The following MGMT variants were observed in gnomAD, a reference collection of about 807,000 sequenced individuals.
MGMT encodes the protein methylated-DNA--protein-cysteine methyltransferase.
Under a neutral mutation model 15.9 loss-of-function variants are expected in MGMT, and 14 were observed. That is an observed-to-expected ratio of 0.88 (90% CI 0.58 to 1.37). The LOEUF (loss-of-function observed/expected upper bound fraction) is 1.37, where lower values mean the gene tolerates loss of function less well. Among genes scored for constraint, MGMT ranks in the 40% most tolerant of loss-of-function variants. The probability of loss-of-function intolerance (pLI) is 0.00; values close to 1 mark genes in which losing one functional copy is unlikely to be tolerated. For missense variants in MGMT, 282 were observed against 268.1 expected, an observed-to-expected ratio of 1.05 and a Z score of -0.36; for synonymous variants, 130 against 118.2, an observed-to-expected ratio of 1.10 and a Z score of -0.65.
At chr10:129,613,207 G>C (rs1014048108) in intron 2 of MGMT, among the ~76,000 whole-genome samples, 1 of 152,220 alleles carries the variant, frequency 6.6e-6, no homozygotes. Context: ...ATCCACCAGG[G>C]AAGAGATGGT....
chr10:129,676,024 G>A (rs1847781357), intron 2 of MGMT, among the ~76,000 whole-genome samples: 1 of 152,226 alleles, frequency 6.6e-6, no homozygotes, highest in Non-Finnish European at 1.5e-5. Context: ...GCTCTCATGA[G>A]CACATGTGAG....
At chr10:129,740,758 C>A (rs1052748961) in intron 3 of MGMT, among the ~76,000 whole-genome samples, 5 of 152,180 alleles carry the variant, frequency 3.3e-5, no homozygotes, top group African/African-American at 1.2e-4. Flanking sequence ...CTTGGATAGG[C>A]TGCCGTCTGG....
At chr10:129,612,477 T>G (rs1846972345) in intron 2 of MGMT, among the ~76,000 whole-genome samples, 1 of 152,232 alleles carries the variant, frequency 6.6e-6, no homozygotes, top group South Asian at 2.1e-4. Flanking sequence ...TACAAAGTCT[T>G]GAATTAAAAT....
chr10:129,735,710 T>C (rs1260441092), intron 3 of MGMT, among the ~76,000 whole-genome samples: 2 of 103,426 alleles, frequency 1.9e-5, no homozygotes, highest in African/African-American at 7.8e-5. Context: ...TGCTATAAAT[T>C]TCCCTCTACA....
At chr10:129,667,400 T>C (rs541517580) in intron 2 of MGMT, among the ~76,000 whole-genome samples, 250 of 152,328 alleles carry the variant, frequency 1.6e-3, no homozygotes, top group Non-Finnish European at 2.8e-3. Flanking sequence ...TATTGCAGGC[T>C]CCTTTAATCC....
At chr10:129,520,254 G>T (rs983654728) in intron 1 of MGMT, among the ~76,000 whole-genome samples, 2 of 152,138 alleles carry the variant, frequency 1.3e-5, no homozygotes, top group South Asian at 2.1e-4. Context: ...ATGTACAGCC[G>T]CTGGCACAGC....
intron 2 of MGMT, among the ~76,000 whole-genome samples, chr10:129,560,382 G>A (rs1301195404): frequency 3.3e-5 from 5 of 152,212 alleles, no homozygotes; most frequent in Non-Finnish European, 7.3e-5. Context: ...GAAATCTGTG[G>A]TAGACACAGC....
chr10:129,718,076 C>T (rs554897402), intron 3 of MGMT, among the ~76,000 whole-genome samples: 3 of 152,290 alleles, frequency 2.0e-5, no homozygotes, highest in African/African-American at 7.2e-5. Context: ...GACCACAGCA[C>T]GACCCCAACG....
chr10:129,505,153 G>A (rs936402271), intron 1 of MGMT, among the ~76,000 whole-genome samples: 1 of 152,276 alleles, frequency 6.6e-6, no homozygotes. Flanking sequence ...AATATAACTA[G>A]TAGGATTTTT....
chr10:129,722,833 C>T (rs1236709581), intron 3 of MGMT, among the ~76,000 whole-genome samples: 1 of 151,932 alleles, frequency 6.6e-6, no homozygotes, highest in African/African-American at 2.4e-5. Flanking sequence ...TAGCAAGACC[C>T]TGTCTCTACT....
At chr10:129,472,223 GGA>G (rs1383200030) in intron 1 of MGMT, among the ~76,000 whole-genome samples, 5 of 152,014 alleles carry the variant, frequency 3.3e-5, no homozygotes, top group African/African-American at 9.7e-5. Flanking sequence ...GCCGTGTGTG[GGA>G]GTGATGCTGT....
intron 2 of MGMT, among the ~76,000 whole-genome samples, chr10:129,586,347 C>T (rs572645884): frequency 8.1e-4 from 124 of 152,302 alleles, no homozygotes; most frequent in Non-Finnish European, 1.6e-3. Flanking sequence ...CTCACCTCAA[C>T]CCGCTTTCCT....
intron 2 of MGMT, among the ~76,000 whole-genome samples, chr10:129,560,535 C>T (rs1041131552): frequency 2.0e-5 from 3 of 152,196 alleles, no homozygotes; most frequent in African/African-American, 7.2e-5. Flanking sequence ...TTCTGCAAAA[C>T]AAACCATGGC....
chr10:129,639,327 C>G (rs181099101), intron 2 of MGMT, among the ~76,000 whole-genome samples: 1 of 152,020 alleles, frequency 6.6e-6, no homozygotes, highest in African/African-American at 2.4e-5. Context: ...ACCAAAAAGA[C>G]CTAACAGTCT....
In MGMT at chr10:129,726,372, G is replaced by T. The variant is rs1848433556; in HGVS notation, c.274+18329G>T. ...GGAGTCCAGGCGAGACTTGTCCTTG[G>T]GAACACGAGCTGGTTTTGAAGCTAC... is the stretch of plus-strand genomic sequence containing the variant. On this transcript the variant is annotated intron_variant, in intron 3 of 4. Transcript: ENST00000651593. Among the ~76,000 whole-genome samples the T allele has an allele frequency of 2.0e-5, 3 of 152,102 alleles. No homozygotes were observed. In the South Asian group the frequency reaches 6.2e-4, roughly 32 times the overall value.
chr10:129,547,354 T>C (rs991333821), intron 2 of MGMT, among the ~76,000 whole-genome samples: 2 of 152,060 alleles, frequency 1.3e-5, no homozygotes, highest in African/African-American at 4.8e-5. Flanking sequence ...GGCAGGAGAC[T>C]CACCTCCCCC....
At chr10:129,667,304 A>C (rs901515182) in intron 2 of MGMT, among the ~76,000 whole-genome samples, 15 of 152,156 alleles carry the variant, frequency 9.9e-5, no homozygotes, top group African/African-American at 3.6e-4. Flanking sequence ...GTTGTTGCCT[A>C]AGTATGCACC....
intron 2 of MGMT, among the ~76,000 whole-genome samples, chr10:129,540,770 C>T (rs980636346): frequency 1.3e-5 from 2 of 152,200 alleles, no homozygotes; most frequent in Non-Finnish European, 2.9e-5. Flanking sequence ...TACTTTATCT[C>T]CAAATTTTGG....
chr10:129,742,395 C>T (rs1042793363), intron 3 of MGMT, among the ~76,000 whole-genome samples: 3 of 152,196 alleles, frequency 2.0e-5, no homozygotes, highest in East Asian at 1.9e-4. Flanking sequence ...GTGCGCGACC[C>T]GGGGCGTTCA....
Sources: allele counts gnomAD v4.1 joint callset (sites outside exome capture counted in the v4.1 genomes callset), GRCh38; gene constraint gnomAD v4.1.1; transcripts MANE v1.5; gene names NCBI Gene and HGNC (gene_info 2026-07-23, HGNC 2026-07-21).